The following QPCT variants were observed in gnomAD, a reference collection of about 807,000 sequenced individuals.
QPCT encodes the protein glutaminyl-peptide cyclotransferase.
Under a neutral mutation model 43.4 loss-of-function variants are expected in QPCT, and 44 were observed. The observed-to-expected ratio is 1.01, with a 90% confidence interval of 0.80 to 1.30. The LOEUF is 1.30. Among genes scored for constraint, QPCT ranks in the 50% most tolerant of loss-of-function variants. The pLI is 0.00. For missense variants in QPCT, 526 were observed against 436.5 expected, an observed-to-expected ratio of 1.21 and a Z score of -1.83; for synonymous variants, 168 against 168.4, an observed-to-expected ratio of 1.00 and a Z score of 0.02.
chr2:37,356,466 G>C (rs1458252497), intron 2 of QPCT, among the ~76,000 whole-genome samples: 9 of 152,130 alleles, frequency 5.9e-5, no homozygotes, highest in Non-Finnish European at 1.3e-4. Context: ...TTGGTATTGG[G>C]GAAGGCAGCT....
chr2:37,367,225 T>C lies in QPCT; in HGVS notation c.547-7T>C. On this transcript the variant is annotated splice_polypyrimidine_tract_variant and splice_region_variant and intron_variant, in intron 3 of 6. Coordinates refer to ENST00000338415, the MANE Select transcript of QPCT (RefSeq NM_012413.4). ...TTTTGCTATGTTTTTATTGTTGTTT[T>C]TACCAGACTGTTTCAGACTCCAAGC... 1 of 1,607,272 alleles carries C rather than the reference T, an allele frequency of 6.2e-7. No individual in the cohort carries two copies. Among genetic ancestry groups the C allele is most frequent in the Non-Finnish European group, 8.5e-7 (1 of 1,177,034 alleles).
chr2:37,349,134 C>A (rs74642956), intron 1 of QPCT, among the ~76,000 whole-genome samples: 3,540 of 152,328 alleles, frequency 0.023, 65 homozygotes, highest in Middle Eastern at 0.051. Flanking sequence ...GTTGTTTCCT[C>A]TTCTCTGTCC....
chr2:37,365,867 G>T (rs1672948720), intron 3 of QPCT, among the ~76,000 whole-genome samples: 1 of 152,198 alleles, frequency 6.6e-6, no homozygotes, highest in Non-Finnish European at 1.5e-5. Flanking sequence ...CAAATGACTT[G>T]CCAGTCAACA....
intron 2 of QPCT, among the ~76,000 whole-genome samples, chr2:37,355,677 T>C (rs1298351213): frequency 6.6e-6 from 1 of 152,160 alleles, no homozygotes; most frequent in Non-Finnish European, 1.5e-5. Context: ...TAGGATATTT[T>C]TATTTTGAGG....
chr2:37,359,403 C>G (rs953691167), intron 2 of QPCT, among the ~76,000 whole-genome samples, 177 bp from the exon 3 acceptor site: 2 of 152,120 alleles, frequency 1.3e-5, no homozygotes, highest in African/African-American at 2.4e-5. Flanking sequence ...AGGACAAATG[C>G]TATTAATTAC....
intron 2 of QPCT, among the ~76,000 whole-genome samples, chr2:37,355,299 CAG>C (rs1453505679): frequency 1.3e-5 from 2 of 152,084 alleles, no homozygotes; most frequent in Non-Finnish European, 1.5e-5. Flanking sequence ...AGGTACATGA[CAG>C]AGTAATTATG....
intron 4 of QPCT, among the ~76,000 whole-genome samples, chr2:37,368,835 A>C (rs1673017202): frequency 6.6e-6 from 1 of 152,216 alleles, no homozygotes; most frequent in Non-Finnish European, 1.5e-5. Context: ...TGTTGAATGA[A>C]GATCATTTTT....
chr2:37,357,416 C>G (rs1380896976), intron 2 of QPCT, among the ~76,000 whole-genome samples: 3 of 151,032 alleles, frequency 2.0e-5, no homozygotes, highest in African/African-American at 7.3e-5. Flanking sequence ...ACTATTAATG[C>G]TTTGTATCGT....
chr2:37,344,866 C>A lies in QPCT; in HGVS notation c.120+15C>A, dbSNP rs1313856038. 3.8e-6 allele frequency: 6 copies of A among 1,570,160 alleles called. No homozygotes were observed. The highest frequency in any genetic ancestry group is 1.4e-5 in the African/African-American group (1 of 72,728). On this transcript the variant is annotated intron_variant, in intron 1 of 6. Transcript: ENST00000338415. The stretch of plus-strand genomic sequence containing the variant: ...CAGAGGAGAAGGTGAGGGGCTGTTT[C>A]TGCGTAGTTGTACTTGAGCGGCTCT...
intron 1 of QPCT, among the ~76,000 whole-genome samples, chr2:37,348,909 T>C (rs957934023): frequency 6.6e-6 from 1 of 152,254 alleles, no homozygotes; most frequent in African/African-American, 2.4e-5. Flanking sequence ...TGTTTTTGCC[T>C]GAGTTACTTT....
At chr2:37,365,424 T>C (rs1463933920) in intron 3 of QPCT, among the ~76,000 whole-genome samples, 1 of 152,176 alleles carries the variant, frequency 6.6e-6, no homozygotes, top group Non-Finnish European at 1.5e-5. Flanking sequence ...AAGAGCAGTT[T>C]CAGTACACGG....
intron 5 of QPCT, among the ~76,000 whole-genome samples, chr2:37,370,687 G>C (rs1673054719): frequency 6.6e-6 from 1 of 152,146 alleles, no homozygotes; most frequent in Non-Finnish European, 1.5e-5. Flanking sequence ...CAAATAAATG[G>C]GAGTTGACTA....
intron 1 of QPCT, among the ~76,000 whole-genome samples, chr2:37,349,851 AT>A (rs1340466712): frequency 1.3e-5 from 2 of 152,086 alleles, no homozygotes; most frequent in Non-Finnish European, 2.9e-5. Context: ...ATGTTACTTT[AT>A]TATTATATAA....
chr2:37,367,557 T>C (rs1672987148), intron 4 of QPCT, 149 bp downstream of exon 4: 4 of 822,786 alleles, frequency 4.9e-6, no homozygotes, highest in Non-Finnish European at 7.2e-6. Flanking sequence ...CATTGGGTTT[T>C]TGAGGAATCC....
chr2:37,347,683 C>T (rs186012577), intron 1 of QPCT, among the ~76,000 whole-genome samples: 155 of 152,266 alleles, frequency 1.0e-3, no homozygotes, highest in African/African-American at 3.6e-3. Context: ...TCCAGAGTTA[C>T]TTCTTCTGAA....
intron 3 of QPCT, among the ~76,000 whole-genome samples, chr2:37,363,880 A>T (rs1672905310): frequency 6.6e-6 from 1 of 152,076 alleles, no homozygotes; most frequent in East Asian, 1.9e-4. Context: ...CTATTTTCAA[A>T]ATAAATAAAT....
intron 3 of QPCT, among the ~76,000 whole-genome samples, chr2:37,363,915 TAGA>T (rs2124940024): frequency 6.6e-6 from 1 of 152,122 alleles, no homozygotes; most frequent in African/African-American, 2.4e-5. Flanking sequence ...GATCCTAAAG[TAGA>T]AGAAGTATCT....
Position 37,368,696 on chromosome 2 carries a change from C to A in QPCT, c.724-989C>A, listed in dbSNP as rs73924617. On this transcript the variant is annotated intron_variant, in intron 4 of 6. Coordinates refer to ENST00000338415, the MANE Select transcript of QPCT (RefSeq NM_012413.4). ...ATTCATTCACTTGTGCCCAAGTGCC[C>A]AAAAAGCATTCAGAACATATTCACA... 6.5e-4 allele frequency: 308 copies of A among 470,776 alleles called. 1 individual carries two copies. Among genetic ancestry groups the A allele is most frequent in the African/African-American group, 5.7e-3 (285 of 50,100 alleles). 29.2% of individuals were successfully genotyped at this position (470,776 alleles called of 1,614,324 possible). A position where few individuals can be genotyped will look rare whatever the true frequency, so the allele number is the denominator to read the frequency against.
intron 2 of QPCT, among the ~76,000 whole-genome samples, chr2:37,356,370 A>G (rs1248487846): frequency 6.6e-6 from 1 of 151,968 alleles, no homozygotes; most frequent in African/African-American, 2.4e-5. Context: ...TCTCCATTTT[A>G]AAACATAGAT....
Sources: gnomAD v4.1 joint callset for allele counts (sites outside exome capture counted in the v4.1 genomes callset) on GRCh38, gnomAD v4.1.1 for gene constraint, MANE v1.5 for transcripts, NCBI Gene and HGNC (gene_info 2026-07-23, HGNC 2026-07-21) for gene names.